The following BACH1 variants were observed in gnomAD, a reference collection of about 807,000 sequenced individuals.
The protein encoded by BACH1 is BTB domain and CNC homolog 1.
Under a neutral mutation model 52.9 loss-of-function variants are expected in BACH1, and 35 were observed. That is an observed-to-expected ratio of 0.66 (90% CI 0.51 to 0.88). The LOEUF (loss-of-function observed/expected upper bound fraction) is 0.88. Ranked by LOEUF, BACH1 falls within the 40% of genes least tolerant of loss-of-function variation. The pLI is 0.00. For synonymous variants in BACH1, 321 were observed against 319.6 expected (o/e 1.00, Z -0.05); for missense variants, 808 against 872.6 (o/e 0.93, Z 0.93).
intron 2 of BACH1, among the ~76,000 whole-genome samples, chr21:29,358,769 G>GA (rs372288910): frequency 4.2e-4 from 13 of 31,226 alleles, no homozygotes; most frequent in Non-Finnish European, 7.3e-4. Context: ...GAAAAGAAAA[G>GA]AAAAGAAAGA....
rs1429076792 is a variant in BACH1, at chr21:29,357,530, G to GA, written c.472+27837_472+27838insA. Among the ~76,000 whole-genome samples the GA allele has an allele frequency of 3.4e-3, 521 of 152,232 alleles. 6 individuals are homozygous for GA. The highest frequency in any genetic ancestry group is 0.012 in the African/African-American group (487 of 41,526). On this transcript the variant is annotated intron_variant, in intron 2 of 4. Transcript: ENST00000422809. ...TGTCTGATAGCCATAAACTTCCTTT[G>GA]GCACCTAGTATGCCATTTACATCAT... is the stretch of plus-strand genomic sequence containing the variant.
intron 2 of BACH1, among the ~76,000 whole-genome samples, chr21:29,325,052 C>A (rs1216094157): frequency 6.6e-6 from 1 of 151,986 alleles, no homozygotes; most frequent in African/African-American, 2.4e-5. Context: ...CGTGGTGAAA[C>A]CCCCGTCTCT....
intron 1 of BACH1, among the ~76,000 whole-genome samples, chr21:29,306,596 C>T (rs536919439): frequency 1.3e-5 from 2 of 152,106 alleles, no homozygotes; most frequent in East Asian, 1.9e-4. Context: ...TTGATGGCCT[C>T]GGGTTGAGAG....
At chr21:29,346,319 C>T (rs1170881752), downstream of BACH1, among the ~76,000 whole-genome samples, 1 of 151,912 alleles carries the variant, frequency 6.6e-6, no homozygotes, top group East Asian at 1.9e-4. Context: ...TTAGGAAGCA[C>T]AGATTTTAGC....
At chr21:29,341,536 T>G (rs144545985) in intron 4 of BACH1, among the ~76,000 whole-genome samples, 206 of 152,336 alleles carry the variant, frequency 1.4e-3, no homozygotes, top group African/African-American at 4.5e-3. Context: ...ATAAGTGACA[T>G]GGACAGGAAG....
chr21:29,327,175 A>G lies in BACH1; in HGVS notation c.1351A>G (p.Arg451Gly), dbSNP rs1225055492. ...RISESPEPGQ[R>G]TFTTLSSVNC... ...TAGTGAGAGCCCAGAACCAGGTCAA[A>G]GGACTTTCACAACATTAAGTTCTGT... Residue 451 changes from arginine (R) to glycine (G), a missense_variant, in exon 3 of 5, where the codon AGG (arginine) becomes GGG (glycine). Physicochemically the swap from Arg to Gly is moderately radical, Grantham distance 125 (BLOSUM62 -2). Transcript: ENST00000286800. The G allele has an allele frequency of 6.2e-7, 1 of 1,614,244 alleles. No individual in the cohort carries two copies. The highest frequency in any genetic ancestry group is 8.5e-7 in the Non-Finnish European group (1 of 1,180,046).
At position 29,342,918 on chromosome 21, in the gene BACH1, T is replaced by C. The variant is rs1601369646; in HGVS notation, c.*85T>C. ...AAAGCCTAATATGACCATCTGTTGC[T>C]CAACAATACTGTTTTTTTCCTTTAG... On this transcript the variant is annotated 3_prime_UTR_variant, in exon 5 of 5. Coordinates refer to ENST00000286800, the MANE Select transcript of BACH1 (RefSeq NM_001186.4). 7.6e-7 allele frequency: 1 copy of C among 1,314,132 alleles called. No homozygotes were observed. The highest frequency in any genetic ancestry group is 1.0e-6 in the Non-Finnish European group (1 of 972,098). 81.4% of individuals were successfully genotyped at this position (1,314,132 alleles called of 1,614,324 possible).
At chr21:29,340,006 T>C (rs1569021660) in intron 4 of BACH1, among the ~76,000 whole-genome samples, 1 of 152,198 alleles carries the variant, frequency 6.6e-6, no homozygotes, top group Non-Finnish European at 1.5e-5. Flanking sequence ...TTTTAAGAAA[T>C]AGCTCTAATT....
rs1483357659 is a variant in BACH1 at position 29,345,344 on chromosome 21, T to G, written c.*2511T>G. On this transcript the variant is annotated 3_prime_UTR_variant, in exon 5 of 5. Transcript: ENST00000286800. ...AAATGACAGGATTATGAGTATACAGTGTATGCCTTTTCCTTCATGCAGAAT... is the reference window on the plus strand; with the variant it reads ...AAATGACAGGATTATGAGTATACAGGGTATGCCTTTTCCTTCATGCAGAAT... 2 of 152,434 alleles carry G rather than the reference T, an allele frequency of 1.3e-5. No individual in the cohort carries two copies. The highest frequency in any genetic ancestry group is 1.3e-4 in the Admixed American group (2 of 15,288). The allele number at this position is 152,434 out of a possible 1,614,324, so 9.4% of individuals were successfully genotyped here.
downstream of BACH1, among the ~76,000 whole-genome samples, chr21:29,346,612 C>T (rs75899511): frequency 0.02 from 3,079 of 152,150 alleles, 87 homozygotes; most frequent in African/African-American, 0.07. Context: ...ACACAAATCT[C>T]GGGGGCAGGG....
intron 2 of BACH1, among the ~76,000 whole-genome samples, chr21:29,323,555 C>T (rs925454836): frequency 5.3e-5 from 8 of 152,160 alleles, no homozygotes; most frequent in Admixed American, 3.9e-4. Flanking sequence ...GTTCCAGCCT[C>T]GCTGGCAGCT....
chr21:29,329,665 A>G lies in BACH1; in HGVS notation c.1748A>G (p.Gln583Arg). ...RCRKRKLDCI[Q>R]NLESEIEKLQ... is the part of the protein sequence containing the mutation. Reference sequence around the variant, plus strand: ...CGCAAGAGAAAACTTGACTGTATACAGAATCTTGAATCAGAAATTGAGAAG... The same window carrying G: ...CGCAAGAGAAAACTTGACTGTATACGGAATCTTGAATCAGAAATTGAGAAG... The change falls in exon 4 of 5, where the codon CAG (glutamine) becomes CGG (arginine). Residue 583 changes from glutamine (Q) to arginine (R), a missense_variant. Transcript: ENST00000286800. 6.5e-7 allele frequency: 1 copy of G among 1,546,632 alleles called. No individual in the cohort carries two copies. The highest frequency in any genetic ancestry group is 8.7e-7 in the Non-Finnish European group (1 of 1,149,940).
At chr21:29,353,959 C>A (rs1277207369) in intron 2 of BACH1, among the ~76,000 whole-genome samples, 1 of 152,144 alleles carries the variant, frequency 6.6e-6, no homozygotes, top group African/African-American at 2.4e-5. Context: ...GGATCCTATT[C>A]AACAGGGCTT....
intron 1 of BACH1, among the ~76,000 whole-genome samples, chr21:29,314,823 G>A (rs2088767908): frequency 6.6e-6 from 1 of 151,984 alleles, no homozygotes; most frequent in African/African-American, 2.4e-5. Context: ...ATTTTCTTAA[G>A]GCTGAGAGAA....
intron 2 of BACH1, among the ~76,000 whole-genome samples, chr21:29,360,279 T>A (rs2089263571): frequency 1.3e-5 from 2 of 152,188 alleles, no homozygotes; most frequent in South Asian, 4.1e-4. Flanking sequence ...CCTTGGCAGA[T>A]AAACTTTCTA....
chr21:29,316,402 A>G (rs994276140), intron 1 of BACH1, among the ~76,000 whole-genome samples: 11 of 152,204 alleles, frequency 7.2e-5, no homozygotes, highest in Non-Finnish European at 1.5e-4. Context: ...TGAATTGGCA[A>G]TTTCCTAAGG....
chr21:29,327,231 T>C lies in BACH1; in HGVS notation c.1407T>C (p.Thr469=), dbSNP rs1288971839. ...VNCPFISTLS[T]EGCSSNLEIG... is the part of the protein sequence containing the mutation. ...GCCCTTTTATAAGTACTCTGAGTACTGAAGGCTGTTCAAGCAATTTGGAAA... is the reference window on the plus strand; with the variant it reads ...GCCCTTTTATAAGTACTCTGAGTACCGAAGGCTGTTCAAGCAATTTGGAAA... The change falls in exon 3 of 5, where the codon ACT becomes ACC. Residue 469 remains threonine, a synonymous_variant. Coordinates refer to ENST00000286800, the MANE Select transcript of BACH1 (RefSeq NM_001186.4). The C allele has an allele frequency of 6.2e-7, 1 of 1,614,198 alleles. No individual in the cohort carries two copies. The highest frequency in any genetic ancestry group is 1.6e-4 in the Middle Eastern group (1 of 6,062).
At position 29,326,755 on chromosome 21, in the gene BACH1, C is replaced by G. The variant is rs2123448012; in HGVS notation, c.931C>G (p.His311Asp). ...AAAATCAGAAGTGACTCCTTTCCCC[C>G]ACAATTCTTCCATAGACCCTCATGG... ...TEKSEVTPFP[H>D]NSSIDPHGLY... Residue 311 changes from histidine to aspartate, a missense_variant, in exon 3 of 5, where the codon CAC (histidine) becomes GAC (aspartate). By Grantham distance (81) the His-to-Asp change is moderately conservative. Coordinates refer to ENST00000286800, the MANE Select transcript of BACH1 (RefSeq NM_001186.4). 1 of 1,614,010 alleles carries G rather than the reference C, an allele frequency of 6.2e-7. No individual in the cohort carries two copies. The highest frequency in any genetic ancestry group is 2.2e-5 in the East Asian group (1 of 44,890).
At chr21:29,361,260 T>C (rs1028163261) in intron 2 of BACH1, 5 of 152,220 alleles carry the variant, frequency 3.3e-5, no homozygotes, top group Non-Finnish European at 7.3e-5. Context: ...TTTGTGCCAT[T>C]TGAGTTATCA....
Sources: allele counts gnomAD v4.1 joint callset (sites outside exome capture counted in the v4.1 genomes callset), GRCh38; gene constraint gnomAD v4.1.1; transcripts MANE v1.5; gene names NCBI Gene and HGNC (gene_info 2026-07-23, HGNC 2026-07-21).